The following RANBP2 variants were observed in gnomAD, a reference collection of about 807,000 sequenced individuals.
The protein encoded by RANBP2 is E3 SUMO-protein ligase RanBP2.
In RANBP2, 57 loss-of-function variants were observed where a neutral mutation model predicts 303.6. The ratio of observed to expected loss-of-function variants is 0.19; its 90% CI spans 0.15 to 0.23. RANBP2 has a LOEUF of 0.23. Ranked by LOEUF, RANBP2 falls within the 10% of genes least tolerant of loss-of-function variation. The probability of loss-of-function intolerance (pLI) is 1.00; values close to 1 mark genes in which losing one functional copy is unlikely to be tolerated. For synonymous variants in RANBP2, 1,167 were observed against 1,301.5 expected, an observed-to-expected ratio of 0.90 and a Z score of 2.23; for missense variants, 3,138 against 3,780.8, an observed-to-expected ratio of 0.83 and a Z score of 4.46.
the RANBP2 span, among the ~76,000 whole-genome samples, chr2:109,286,128 G>C: frequency 6.6e-6 from 1 of 152,152 alleles, no homozygotes; most frequent in Non-Finnish European, 1.5e-5. Flanking sequence ...CTGCAGGCCT[G>C]GTGCTTTGTA....
chr2:109,623,911 C>T, the RANBP2 span, among the ~76,000 whole-genome samples: 2 of 152,150 alleles, frequency 1.3e-5, no homozygotes, highest in African/African-American at 4.8e-5. Context: ...TCTGGACAGC[C>T]AAGAGGTGCT....
the RANBP2 span, among the ~76,000 whole-genome samples, chr2:109,572,292 G>A: frequency 2.0e-5 from 3 of 152,080 alleles, no homozygotes; most frequent in Non-Finnish European, 4.4e-5. Flanking sequence ...CACGACGCCC[G>A]GCTGAATTTT....
At chr2:109,148,899 G>C in the RANBP2 span, among the ~76,000 whole-genome samples, 1 of 152,034 alleles carries the variant, frequency 6.6e-6, no homozygotes, top group Non-Finnish European at 1.5e-5. Flanking sequence ...ATTCTGATTG[G>C]TGGTTTTACC....
chr2:109,235,467 A>G, the RANBP2 span, among the ~76,000 whole-genome samples: 171 of 152,330 alleles, frequency 1.1e-3, 1 homozygote, highest in African/African-American at 3.9e-3. Flanking sequence ...AAGGGGCCCT[A>G]TTAACCCTCA....
At chr2:109,545,462 T>G in the RANBP2 span, 1 of 1,536,156 alleles carries the variant, frequency 6.5e-7, no homozygotes, top group Non-Finnish European at 8.7e-7. Flanking sequence ...CTCTCTACCT[T>G]TCTCTGCGTC....
At chr2:109,209,522 A>G in the RANBP2 span, among the ~76,000 whole-genome samples, 1 of 152,168 alleles carries the variant, frequency 6.6e-6, no homozygotes, top group African/African-American at 2.4e-5. Flanking sequence ...AAGGGAGGCG[A>G]GAACTGTGCA....
the RANBP2 span, among the ~76,000 whole-genome samples, chr2:109,106,062 C>T: frequency 3.3e-5 from 5 of 151,478 alleles, no homozygotes; most frequent in South Asian, 2.1e-4. Flanking sequence ...GGGGTTTCAC[C>T]GTGTTAGCTA....
the RANBP2 span, among the ~76,000 whole-genome samples, chr2:109,000,204 G>A: frequency 1.3e-5 from 2 of 152,164 alleles, no homozygotes; most frequent in African/African-American, 2.4e-5. Flanking sequence ...TTTGGATGTA[G>A]ATGACTCAAG....
At chr2:108,803,471 C>G in the RANBP2 span, among the ~76,000 whole-genome samples, 1 of 152,118 alleles carries the variant, frequency 6.6e-6, no homozygotes, top group Non-Finnish European at 1.5e-5. Context: ...GAGACAGAGT[C>G]TTGCTGTGTT....
At chr2:109,276,648 AATCTG>A in the RANBP2 span, among the ~76,000 whole-genome samples, 1 of 152,216 alleles carries the variant, frequency 6.6e-6, no homozygotes, top group East Asian at 1.9e-4. Flanking sequence ...GCGCTGGACA[AATCTG>A]AACTGTTACC....
the RANBP2 span, among the ~76,000 whole-genome samples, chr2:109,603,105 T>C: frequency 6.6e-6 from 1 of 151,516 alleles, no homozygotes; most frequent in Admixed American, 6.6e-5. Context: ...CAAAAAAGCA[T>C]TAAAAGGACC....
chr2:108,820,352 C>T, the RANBP2 span, among the ~76,000 whole-genome samples: 2 of 152,052 alleles, frequency 1.3e-5, no homozygotes, highest in Non-Finnish European at 2.9e-5. Flanking sequence ...AAGTGAACCA[C>T]TATATGTGTA....
At chr2:109,082,586 A>G in the RANBP2 span, among the ~76,000 whole-genome samples, 1 of 94,054 alleles carries the variant, frequency 1.1e-5, no homozygotes, top group Non-Finnish European at 2.9e-5. Context: ...GGTGTGAGCC[A>G]CCACACCCGG....
chr2:109,728,405 C>T, the RANBP2 span, among the ~76,000 whole-genome samples: 5 of 151,946 alleles, frequency 3.3e-5, no homozygotes, highest in Admixed American at 6.6e-5. Context: ...GTAACTGACA[C>T]GGATACTACT....
At chr2:109,303,240 A>C in the RANBP2 span, among the ~76,000 whole-genome samples, 3 of 152,216 alleles carry the variant, frequency 2.0e-5, no homozygotes, top group Non-Finnish European at 4.4e-5. Context: ...CTTGGCCCCA[A>C]CAGGATCTGA....
At chr2:109,143,594 G>T in the RANBP2 span, among the ~76,000 whole-genome samples, 4 of 151,768 alleles carry the variant, frequency 2.6e-5, no homozygotes, top group Non-Finnish European at 4.4e-5. Context: ...AATAAAAAAA[G>T]AAAAAAAGAA....
At chr2:109,235,620 G>A in the RANBP2 span, among the ~76,000 whole-genome samples, 16 of 152,234 alleles carry the variant, frequency 1.1e-4, no homozygotes, top group Non-Finnish European at 2.1e-4. Flanking sequence ...GCTGTTGTTT[G>A]TTTGTTTTGC....
the RANBP2 span, among the ~76,000 whole-genome samples, chr2:109,225,867 G>T: frequency 6.6e-6 from 1 of 152,228 alleles, no homozygotes; most frequent in Admixed American, 6.5e-5. Context: ...CTGGGATGAA[G>T]TGATCCTCCC....
chr2:109,309,985 G>C, the RANBP2 span, among the ~76,000 whole-genome samples: 7 of 126,204 alleles, frequency 5.5e-5, 1 homozygote, highest in African/African-American at 2.4e-4. Context: ...TCTGCACCAG[G>C]TGGACCTAAT....
Sources: gnomAD v4.1 joint callset for allele counts (sites outside exome capture counted in the v4.1 genomes callset) on GRCh38, gnomAD v4.1.1 for gene constraint, MANE v1.5 for transcripts, NCBI Gene and HGNC (gene_info 2026-07-23, HGNC 2026-07-21) for gene names.